Variants in PTPRD observed in about 807,000 individuals in gnomAD.
The protein encoded by PTPRD is receptor-type tyrosine-protein phosphatase delta.
Under a neutral mutation model 214.5 loss-of-function variants are expected in PTPRD, and 34 were observed. The ratio of observed to expected loss-of-function variants is 0.16; its 90% CI spans 0.12 to 0.21. The LOEUF (loss-of-function observed/expected upper bound fraction) is 0.21. Ranked by LOEUF, PTPRD falls within the 10% of genes least tolerant of loss-of-function variation. PTPRD has a pLI of 1.00. For missense variants in PTPRD, 2,545 were observed against 2,398.7 expected (o/e 1.06, Z -1.27); for synonymous variants, 1,128 against 845.7 (o/e 1.33, Z -5.79).
At chr9:9,177,464 G>T (rs537738776) in intron 10 of PTPRD, among the ~76,000 whole-genome samples, 1 of 152,154 alleles carries the variant, frequency 6.6e-6, no homozygotes, top group East Asian at 1.9e-4. Flanking sequence ...AAACTAGTGT[G>T]AAAAATTTAT....
At chr9:10,416,598 A>G (rs925250035) in intron 2 of PTPRD, among the ~76,000 whole-genome samples, 1 of 151,950 alleles carries the variant, frequency 6.6e-6, no homozygotes, top group African/African-American at 2.4e-5. Context: ...AAATTGTCAA[A>G]TATAAGTTTC....
chr9:8,753,972 C>T (rs987089937), intron 11 of PTPRD, among the ~76,000 whole-genome samples: 1 of 152,018 alleles, frequency 6.6e-6, no homozygotes, highest in African/African-American at 2.4e-5. Context: ...TGGAGAAACC[C>T]GGTCTCTACT....
At chr9:8,504,685 T>A (rs573567239) in intron 22 of PTPRD, among the ~76,000 whole-genome samples, 2 of 152,136 alleles carry the variant, frequency 1.3e-5, no homozygotes, top group African/African-American at 4.8e-5. Flanking sequence ...AAGACGAAGA[T>A]TGAGAGGCCA....
chr9:9,018,424 C>T (rs767968985), intron 11 of PTPRD, among the ~76,000 whole-genome samples: 10 of 152,076 alleles, frequency 6.6e-5, no homozygotes, highest in African/African-American at 2.4e-5. Flanking sequence ...TAAAAACATA[C>T]CCATTATTTA....
intron 3 of PTPRD, among the ~76,000 whole-genome samples, chr9:10,204,448 C>T (rs977733752): frequency 6.6e-6 from 1 of 152,020 alleles, no homozygotes; most frequent in Non-Finnish European, 1.5e-5. Flanking sequence ...GGGGAAGGAC[C>T]TCATTCATGG....
rs529712343 is a variant in PTPRD at position 9,642,487 on chromosome 9, T to C, written c.-286-67706A>G. 3.5e-4 allele frequency among the ~76,000 whole-genome samples: 53 copies of C among 152,274 alleles called. No homozygotes were observed. In the South Asian group the frequency reaches 9.9e-3, roughly 29 times the overall value. On this transcript the variant is annotated intron_variant, in intron 7 of 45. Transcript: ENST00000381196. The stretch of plus-strand genomic sequence containing the variant: ...TCACCTAGACATATAGCTTAGAAGG[T>C]ATATAAGCTCTGGAAAACTTTGTAA...
chr9:10,141,114 C>G (rs908702128), intron 3 of PTPRD, among the ~76,000 whole-genome samples: 1 of 151,998 alleles, frequency 6.6e-6, no homozygotes, highest in African/African-American at 2.4e-5. Context: ...ATAATAAGAG[C>G]TATCTATGAC....
chr9:9,622,592 T>C (rs1469763425), intron 7 of PTPRD, among the ~76,000 whole-genome samples: 15 of 152,192 alleles, frequency 9.9e-5, no homozygotes. Flanking sequence ...ACAAGTTCAG[T>C]GAGAATTACT....
At chr9:9,581,329 G>A (rs1430897074) in intron 7 of PTPRD, among the ~76,000 whole-genome samples, 1 of 152,226 alleles carries the variant, frequency 6.6e-6, no homozygotes, top group African/African-American at 2.4e-5. Context: ...TATGTAAATT[G>A]TAGGTAATAT....
At chr9:8,558,933 A>G (rs1324158998) in intron 14 of PTPRD, among the ~76,000 whole-genome samples, 1 of 152,218 alleles carries the variant, frequency 6.6e-6, no homozygotes, top group African/African-American at 2.4e-5. Context: ...GAACTTATCA[A>G]TTAATTGAGT....
intron 12 of PTPRD, among the ~76,000 whole-genome samples, chr9:8,704,349 A>G (rs2098153783): frequency 6.6e-6 from 1 of 152,158 alleles, no homozygotes; most frequent in African/African-American, 2.4e-5. Flanking sequence ...GAATGACGGA[A>G]GAAAGGAAGG....
intron 8 of PTPRD, among the ~76,000 whole-genome samples, chr9:9,420,441 T>C (rs2078358458): frequency 1.3e-5 from 2 of 151,892 alleles, no homozygotes; most frequent in Admixed American, 6.6e-5. Context: ...CACATATTGG[T>C]GATAGTTCTT....
intron 10 of PTPRD, among the ~76,000 whole-genome samples, chr9:9,124,236 G>T (rs2099820358): frequency 6.6e-6 from 1 of 152,102 alleles, no homozygotes; most frequent in African/African-American, 2.4e-5. Flanking sequence ...AGAGGTATTG[G>T]ATAGTAACAA....
chr9:9,741,645 C>T (rs917317713), intron 6 of PTPRD, among the ~76,000 whole-genome samples: 13 of 152,138 alleles, frequency 8.5e-5, no homozygotes, highest in African/African-American at 2.7e-4. Context: ...GTGATGTTCG[C>T]CTCCCTGCGT....
intron 8 of PTPRD, among the ~76,000 whole-genome samples, chr9:9,544,259 C>G (rs182216122): frequency 6.6e-6 from 1 of 151,546 alleles, no homozygotes; most frequent in Non-Finnish European, 1.5e-5. Context: ...AAGTATTAAC[C>G]ATTTGTAATA....
At chr9:9,765,369 A>T (rs2098698161) in intron 6 of PTPRD, among the ~76,000 whole-genome samples, 1 of 152,208 alleles carries the variant, frequency 6.6e-6, no homozygotes, top group South Asian at 2.1e-4. Context: ...TAGAACAGGC[A>T]TCAATTACTA....
intron 2 of PTPRD, among the ~76,000 whole-genome samples, chr9:10,512,510 TG>T (rs1008401692): frequency 2.0e-5 from 3 of 152,042 alleles, no homozygotes; most frequent in Non-Finnish European, 2.9e-5. Flanking sequence ...GGTGGTGGGT[TG>T]GGGGGAATGG....
At chr9:9,060,237 T>C (rs1363729223) in intron 10 of PTPRD, among the ~76,000 whole-genome samples, 1 of 152,112 alleles carries the variant, frequency 6.6e-6, no homozygotes, top group South Asian at 2.1e-4. Flanking sequence ...CAGAGGCCAG[T>C]AGGAGACCCA....
intron 8 of PTPRD, among the ~76,000 whole-genome samples, chr9:9,527,390 G>A (rs1306405145): frequency 1.3e-5 from 2 of 152,152 alleles, no homozygotes; most frequent in African/African-American, 4.8e-5. Context: ...TGAAGCGTGG[G>A]CACTTGTTGT....
Sources: allele counts gnomAD v4.1 joint callset (sites outside exome capture counted in the v4.1 genomes callset), GRCh38; gene constraint gnomAD v4.1.1; transcripts MANE v1.5; gene names NCBI Gene and HGNC (gene_info 2026-07-23, HGNC 2026-07-21).